The following TASP1 variants were observed in gnomAD, a reference collection of about 807,000 sequenced individuals.
TASP1 encodes the protein threonine aspartase 1.
A neutral mutation model predicts 56.6 loss-of-function variants in TASP1; 16 were observed. The observed-to-expected ratio is 0.28, with a 90% CI of 0.19 to 0.43. The LOEUF (loss-of-function observed/expected upper bound fraction) is 0.43, where lower values mean the gene tolerates loss of function less well. Among genes scored for constraint, TASP1 ranks in the 20% least tolerant of loss-of-function variants. The pLI is 1.00. For synonymous variants in TASP1, 179 were observed against 184.2 expected (o/e 0.97, Z 0.23); for missense variants, 393 against 511.6 (o/e 0.77, Z 2.24).
At chr20:13,507,908 A>G (rs1355176122) in intron 10 of TASP1, among the ~76,000 whole-genome samples, 9 of 152,216 alleles carry the variant, frequency 5.9e-5, no homozygotes, top group Non-Finnish European at 1.5e-5. Flanking sequence ...CAGAATAGAA[A>G]GCCTAGAAAT....
At chr20:13,482,430 C>G (rs1361168359) in intron 11 of TASP1, among the ~76,000 whole-genome samples, 1 of 152,028 alleles carries the variant, frequency 6.6e-6, no homozygotes, top group Non-Finnish European at 1.5e-5. Context: ...GTTGTTTTTT[C>G]TATTTCAGAA....
intron 4 of TASP1, among the ~76,000 whole-genome samples, chr20:13,616,655 G>T (rs937357930): frequency 1.4e-5 from 2 of 147,648 alleles, no homozygotes; most frequent in African/African-American, 5.2e-5. Context: ...AAAAAAAAAA[G>T]GGCAGTTGGG....
rs1304182775 is a variant in TASP1, at chr20:13,605,079, T to C, written c.283-17709A>G. On this transcript the variant is annotated intron_variant, in intron 4 of 13. Transcript: ENST00000337743. The stretch of plus-strand genomic sequence containing the variant: ...GCATTACGTGAGTTAAAGAAGCCAG[T>C]CACAAAAGATCACAAGTTCTATAAT... Among the ~76,000 whole-genome samples, 4 of 149,826 alleles carry C rather than the reference T, an allele frequency of 2.7e-5. No individual in the cohort carries two copies. The East Asian group carries it at 7.8e-4, about 29-fold the overall frequency.
intron 11 of TASP1, among the ~76,000 whole-genome samples, chr20:13,459,762 G>A (rs1272998336): frequency 1.3e-5 from 2 of 152,000 alleles, no homozygotes; most frequent in Non-Finnish European, 2.9e-5. Context: ...TTCAAGACTT[G>A]CCTCCTGTTA....
intron 9 of TASP1, 60 bp downstream of exon 9, chr20:13,533,962 G>A: frequency 1.3e-6 from 2 of 1,538,910 alleles, no homozygotes; most frequent in South Asian, 2.5e-5. Context: ...AAAAAATTGT[G>A]AGCTAAAAAT....
intron 11 of TASP1, among the ~76,000 whole-genome samples, chr20:13,468,072 T>C (rs2146399553): frequency 6.6e-6 from 1 of 151,936 alleles, no homozygotes; most frequent in South Asian, 2.1e-4. Flanking sequence ...CAAAACCACA[T>C]ACACACATTT....
chr20:13,414,172 A>G (rs975606898), intron 13 of TASP1, among the ~76,000 whole-genome samples: 7 of 152,190 alleles, frequency 4.6e-5, no homozygotes, highest in African/African-American at 1.7e-4. Flanking sequence ...CTTTTATGAC[A>G]TTGACATTAT....
At chr20:13,188,488 T>C in the TASP1 span, among the ~76,000 whole-genome samples, 1 of 152,090 alleles carries the variant, frequency 6.6e-6, no homozygotes, top group East Asian at 1.9e-4. Flanking sequence ...AGAGGTGAAA[T>C]ATCTCTACAA....
chr20:13,517,942 T>A (rs1003975840), intron 10 of TASP1, among the ~76,000 whole-genome samples: 1 of 152,120 alleles, frequency 6.6e-6, no homozygotes, highest in African/African-American at 2.4e-5. Context: ...TACTCTGTTA[T>A]CTGTAAATGA....
At chr20:13,500,278 C>T (rs1441494862) in intron 10 of TASP1, among the ~76,000 whole-genome samples, 1 of 130,706 alleles carries the variant, frequency 7.7e-6, no homozygotes, top group Non-Finnish European at 1.7e-5. Context: ...TATATATATA[C>T]ACTCAATTTG....
chr20:13,263,375 C>T, the TASP1 span, among the ~76,000 whole-genome samples: 3 of 152,030 alleles, frequency 2.0e-5, no homozygotes, highest in Non-Finnish European at 4.4e-5. Flanking sequence ...TCGTGGTCTC[C>T]ATCCATCTTC....
chr20:13,231,182 A>G, the TASP1 span, among the ~76,000 whole-genome samples: 2 of 152,180 alleles, frequency 1.3e-5, no homozygotes, highest in African/African-American at 4.8e-5. Context: ...AGGTAGCAAC[A>G]ATACAGGAAG....
At chr20:13,124,703 C>G in the TASP1 span, among the ~76,000 whole-genome samples, 2 of 152,148 alleles carry the variant, frequency 1.3e-5, no homozygotes, top group African/African-American at 2.4e-5. Context: ...CACTGTAAGG[C>G]AGGCCACACA....
the TASP1 span, among the ~76,000 whole-genome samples, chr20:13,316,480 C>T: frequency 6.6e-6 from 1 of 151,772 alleles, no homozygotes; most frequent in South Asian, 2.1e-4. Flanking sequence ...CCAGACAAAG[C>T]TATTACAAAA....
the TASP1 span, among the ~76,000 whole-genome samples, chr20:13,330,101 T>C: frequency 2.0e-5 from 3 of 151,846 alleles, no homozygotes; most frequent in Non-Finnish European, 4.4e-5. Flanking sequence ...GGATTACAGG[T>C]GCCTGCCACC....
chr20:13,368,433 ATTG>A, the TASP1 span: 1 of 152,168 alleles, frequency 6.6e-6, no homozygotes, highest in Admixed American at 6.5e-5. Context: ...TCCTTCCAGA[ATTG>A]TTGTATAGGT....
intron 8 of TASP1, among the ~76,000 whole-genome samples, chr20:13,536,737 G>A (rs926537057): frequency 6.6e-6 from 1 of 152,054 alleles, no homozygotes; most frequent in Non-Finnish European, 1.5e-5. Flanking sequence ...ACCAGATAAG[G>A]ATGATTGCTT....
At chr20:13,545,823 C>T (rs2045788361) in intron 8 of TASP1, among the ~76,000 whole-genome samples, 1 of 152,136 alleles carries the variant, frequency 6.6e-6, no homozygotes, top group African/African-American at 2.4e-5. Context: ...CCAAACTCAT[C>T]CATTTGCAGG....
intron 11 of TASP1, among the ~76,000 whole-genome samples, chr20:13,440,485 T>G (rs1430912402): frequency 1.3e-5 from 2 of 152,098 alleles, no homozygotes; most frequent in African/African-American, 4.8e-5. Context: ...AAAAATAAAC[T>G]GACTGAATAC....
Sources: gnomAD v4.1 joint callset for allele counts (sites outside exome capture counted in the v4.1 genomes callset) on GRCh38, gnomAD v4.1.1 for gene constraint, MANE v1.5 for transcripts, NCBI Gene and HGNC (gene_info 2026-07-23, HGNC 2026-07-21) for gene names.